MEIS1: variants seen among roughly 807,000 people sequenced by gnomAD.
MEIS1 encodes homeobox protein Meis1.
A neutral mutation model predicts 50.8 loss-of-function variants in MEIS1; 5 were observed. The ratio of observed to expected loss-of-function variants is 0.10; its 90% CI spans 0.05 to 0.21. The LOEUF (loss-of-function observed/expected upper bound fraction) is 0.21, where lower values mean the gene tolerates loss of function less well. MEIS1 is among the 10% of genes least tolerant of loss of function. MEIS1 has a pLI of 1.00. For missense variants in MEIS1, 318 were observed against 517.3 expected (o/e 0.61, Z 3.74); for synonymous variants, 176 against 179.3 (o/e 0.98, Z 0.15).
chr2:66,556,728 A>T (rs1675075362), intron 9 of MEIS1, among the ~76,000 whole-genome samples: 1 of 152,130 alleles, frequency 6.6e-6, no homozygotes, highest in African/African-American at 2.4e-5. Context: ...TTTGGGTCAT[A>T]GTTCAGATGT....
intron 6 of MEIS1, among the ~76,000 whole-genome samples, chr2:66,447,834 CCTCTTT>C (rs1333810185): frequency 6.6e-6 from 1 of 152,118 alleles, no homozygotes; most frequent in Non-Finnish European, 1.5e-5. Flanking sequence ...TCTCTGTCTC[CCTCTTT>C]CTCTTTCAAT....
At chr2:66,446,039 G>C (rs1318184277) in intron 6 of MEIS1, among the ~76,000 whole-genome samples, 3 of 152,124 alleles carry the variant, frequency 2.0e-5, no homozygotes, top group Non-Finnish European at 4.4e-5. Flanking sequence ...GCTCCCAGAG[G>C]CTAGGGGAAG....
At chr2:66,556,117 C>T (rs976712952) in intron 9 of MEIS1, among the ~76,000 whole-genome samples, 1 of 152,118 alleles carries the variant, frequency 6.6e-6, no homozygotes, top group Non-Finnish European at 1.5e-5. Flanking sequence ...TAAGGCTGTC[C>T]TGTTCAATGC....
At chr2:66,568,806 C>T in intron 11 of MEIS1, 50 bp downstream of exon 11, 1 of 1,472,378 alleles carries the variant, frequency 6.8e-7, no homozygotes, top group Non-Finnish European at 9.5e-7. Flanking sequence ...CCAAGAGTGT[C>T]ATCCCCTCAT....
chr2:66,500,097 C>A (rs1673512843), intron 7 of MEIS1, among the ~76,000 whole-genome samples: 1 of 152,204 alleles, frequency 6.6e-6, no homozygotes, highest in South Asian at 2.1e-4. Context: ...GATGAGCAAA[C>A]TTGAGAACTG....
chr2:66,466,108 T>A (rs1672627687), intron 7 of MEIS1, among the ~76,000 whole-genome samples: 1 of 152,228 alleles, frequency 6.6e-6, no homozygotes, highest in Non-Finnish European at 1.5e-5. Context: ...CAATCCTGGG[T>A]AGCAGAGTAA....
intron 6 of MEIS1, among the ~76,000 whole-genome samples, chr2:66,458,218 G>T (rs1436742203): frequency 6.6e-6 from 1 of 152,202 alleles, no homozygotes; most frequent in African/African-American, 2.4e-5. Flanking sequence ...GTGAATGACT[G>T]ACTGGGAAGA....
intron 8 of MEIS1, among the ~76,000 whole-genome samples, chr2:66,516,148 A>G (rs149607152): frequency 1.4e-3 from 210 of 152,266 alleles, no homozygotes; most frequent in African/African-American, 4.7e-3. Context: ...TTGTTTTCCT[A>G]TCCTATCATA....
chr2:66,533,383 G>A (rs577936664), intron 8 of MEIS1, among the ~76,000 whole-genome samples: 3 of 152,180 alleles, frequency 2.0e-5, no homozygotes, highest in East Asian at 3.9e-4. Flanking sequence ...GTCAGTCCCC[G>A]AGGGTGACTT....
intron 1 of MEIS1, 53 bp from the exon 2 acceptor site, chr2:66,437,684 C>G: frequency 6.4e-7 from 1 of 1,556,354 alleles, no homozygotes; most frequent in South Asian, 1.1e-5. Flanking sequence ...TGCCGTTCTC[C>G]CATTTGCCCG....
intron 7 of MEIS1, among the ~76,000 whole-genome samples, chr2:66,480,959 C>G (rs1388866573): frequency 3.3e-5 from 5 of 151,950 alleles, no homozygotes; most frequent in African/African-American, 1.2e-4. Flanking sequence ...TGGCACATAC[C>G]CTTCCCTGCA....
At chr2:66,527,591 AGTGTGTGTGTGTGTGTGTGT>A (rs71409176) in intron 8 of MEIS1, among the ~76,000 whole-genome samples, 37 of 124,478 alleles carry the variant, frequency 3.0e-4, no homozygotes, top group Admixed American at 8.0e-4. Flanking sequence ...AGTAAAAGCA[AGTGTGTGTGTGTGTGTGTGT>A]GTGTGTGTGT....
chr2:66,471,641 A>AAG lies in MEIS1; in HGVS notation c.742+7421_742+7422insAG, dbSNP rs1672763043. ...AATAAGAAATAAGTAGTAAGGAAGT[A>AAG]TATGAATAATGATGTTGTGTCAGTT... is the stretch of plus-strand genomic sequence containing the variant. On this transcript the variant is annotated intron_variant, in intron 7 of 12. Coordinates refer to ENST00000272369, the MANE Select transcript of MEIS1 (RefSeq NM_002398.3). Among the ~76,000 whole-genome samples, 6 of 152,258 alleles carry AAG rather than the reference A, an allele frequency of 3.9e-5. No homozygotes were observed. The South Asian group carries it at 1.2e-3, about 32-fold the overall frequency.
chr2:66,479,924 GC>G (rs138662737), intron 7 of MEIS1, among the ~76,000 whole-genome samples: 3,154 of 152,264 alleles, frequency 0.021, 39 homozygotes, highest in Middle Eastern at 0.075. Flanking sequence ...TTGGCTCAAT[GC>G]CACTGACTTC....
chr2:66,542,603 G>C (rs541237168), intron 8 of MEIS1, among the ~76,000 whole-genome samples: 3 of 152,086 alleles, frequency 2.0e-5, no homozygotes, highest in Admixed American at 1.3e-4. Context: ...TGTTATAGCC[G>C]TTTTGCAGTT....
At chr2:66,496,442 G>A (rs928152170) in intron 7 of MEIS1, among the ~76,000 whole-genome samples, 3 of 152,094 alleles carry the variant, frequency 2.0e-5, no homozygotes, top group African/African-American at 7.2e-5. Context: ...GACCAGGCCT[G>A]GTCAGTGTGA....
At chr2:66,556,512 CAA>C (rs1675069584) in intron 9 of MEIS1, among the ~76,000 whole-genome samples, 1 of 132,376 alleles carries the variant, frequency 7.6e-6, no homozygotes, top group Non-Finnish European at 1.6e-5. Context: ...TTTTCAAAAA[CAA>C]TATGTTGCCT....
At chr2:66,474,825 G>C (rs1318630063) in intron 7 of MEIS1, among the ~76,000 whole-genome samples, 1 of 152,094 alleles carries the variant, frequency 6.6e-6, no homozygotes, top group Admixed American at 6.5e-5. Flanking sequence ...AAAGAATGAA[G>C]ACAGCAGAAC....
intron 8 of MEIS1, among the ~76,000 whole-genome samples, chr2:66,537,148 T>C (rs1350110271): frequency 6.6e-6 from 1 of 152,240 alleles, no homozygotes; most frequent in African/African-American, 2.4e-5. Context: ...TACAGACTGC[T>C]GGCAGCCTGC....
Sources: allele counts gnomAD v4.1 joint callset (sites outside exome capture counted in the v4.1 genomes callset), GRCh38; gene constraint gnomAD v4.1.1; transcripts MANE v1.5; gene names NCBI Gene and HGNC (gene_info 2026-07-23, HGNC 2026-07-21).